NFATC1: variants seen among roughly 807,000 people sequenced by gnomAD.
NFATC1 encodes the protein nuclear factor of activated T cells 1, also known as nuclear factor of activated T-cells, cytoplasmic 1.
In NFATC1, 22 loss-of-function variants were observed where a neutral mutation model predicts 76.0. The ratio of observed to expected loss-of-function variants is 0.29; its 90% confidence interval spans 0.21 to 0.41. The LOEUF is 0.41. NFATC1 is among the 10% of genes least tolerant of loss of function. The pLI, the probability that NFATC1 is intolerant of heterozygous loss-of-function variation, is 1.00. For missense variants in NFATC1, 1,357 were observed against 1,337.7 expected (o/e 1.01, Z -0.23); for synonymous variants, 704 against 613.1 (o/e 1.15, Z -2.19).
chr18:79,505,622 T>C, intron 9 of NFATC1, among the ~76,000 whole-genome samples: 1 of 140,132 alleles, frequency 7.1e-6, no homozygotes, highest in South Asian at 2.4e-4. Flanking sequence ...GGCAGGAGAC[T>C]GCTGCGTGGG....
intron 2 of NFATC1, among the ~76,000 whole-genome samples, chr18:79,417,135 GCGGGAGA>G (rs1271613646): frequency 1.1e-5 from 1 of 89,854 alleles, no homozygotes; most frequent in Admixed American, 1.1e-4. Flanking sequence ...ATGGGCTGTG[GCGGGAGA>G]TGGGCTGTGG....
At chr18:79,420,048 C>G (rs1396981189) in intron 2 of NFATC1, among the ~76,000 whole-genome samples, 1 of 152,222 alleles carries the variant, frequency 6.6e-6, no homozygotes, top group African/African-American at 2.4e-5. Context: ...GTTGTAAAGG[C>G]CACACCGGAC....
chr18:79,486,425 T>G lies in NFATC1; in HGVS notation c.2270T>G (p.Leu757Arg). The G allele has an allele frequency of 3.7e-6, 6 of 1,612,428 alleles. No homozygotes were observed. In the South Asian group the frequency reaches 6.6e-5, roughly 18 times the overall value. The change falls in exon 9 of 10, where the codon CTG becomes CGG. Residue 757 changes from leucine (L) to arginine (R), a missense_variant. By Grantham distance (102) the Leu-to-Arg change is moderately radical (BLOSUM62 -2). Coordinates refer to ENST00000427363, the MANE Select transcript of NFATC1 (RefSeq NM_001278669.2). ...CCGCCCTGTCCGCAGAGAAGCACCC[T>G]GATGCCAGCGGCCCCTGGCGTGAGC... ...GFPPCPQRST[L>R]MPAAPGVSPK...
intron 3 of NFATC1, among the ~76,000 whole-genome samples, chr18:79,447,546 G>A (rs369700247): frequency 2.1e-4 from 32 of 152,310 alleles, no homozygotes; most frequent in African/African-American, 6.7e-4. Context: ...GCGTTGCCAC[G>A]GGCCTTGCAT....
At chr18:79,486,107 TG>T in intron 8 of NFATC1, 140 bp from the exon 9 acceptor site, 1 of 715,654 alleles carries the variant, frequency 1.4e-6, no homozygotes, top group East Asian at 2.5e-5. Flanking sequence ...TTTTTTTTAA[TG>T]GGGTGGGAGA....
intron 9 of NFATC1, among the ~76,000 whole-genome samples, chr18:79,506,584 A>C (rs977438851): frequency 6.6e-6 from 1 of 152,190 alleles, no homozygotes; most frequent in Non-Finnish European, 1.5e-5. Context: ...TGAAGCCATC[A>C]CGTCCAACAC....
chr18:79,502,218 T>G (rs910363097), intron 9 of NFATC1, among the ~76,000 whole-genome samples: 1 of 152,228 alleles, frequency 6.6e-6, no homozygotes, highest in Non-Finnish European at 1.5e-5. Flanking sequence ...GTAAATTGAT[T>G]TTTTGACAAA....
At chr18:79,404,992 A>G (rs1317923731) in intron 1 of NFATC1, among the ~76,000 whole-genome samples, 1 of 152,236 alleles carries the variant, frequency 6.6e-6, no homozygotes, top group Non-Finnish European at 1.5e-5. Flanking sequence ...ATTATTTCTC[A>G]GAGTGAGAGA....
intron 9 of NFATC1, among the ~76,000 whole-genome samples, chr18:79,511,680 A>G (rs2090257668): frequency 6.6e-6 from 1 of 151,864 alleles, no homozygotes; most frequent in Admixed American, 6.6e-5. Context: ...CAGGGCCTGG[A>G]TTTCCCTCCC....
intron 2 of NFATC1, among the ~76,000 whole-genome samples, chr18:79,424,809 G>GTC (rs58256640): frequency 4.9e-5 from 6 of 121,826 alleles, no homozygotes; most frequent in African/African-American, 1.4e-4. Flanking sequence ...GTGTCTGTCT[G>GTC]TCTCTGTCTC....
intron 9 of NFATC1, among the ~76,000 whole-genome samples, chr18:79,488,298 T>TTGTGTGTGTGTG (rs3222211): frequency 4.3e-4 from 60 of 141,100 alleles, no homozygotes; most frequent in Admixed American, 7.4e-4. Flanking sequence ...GCAGCCCTGG[T>TTGTGTGTGTGTG]TGTGTGTGTG....
intron 8 of NFATC1, among the ~76,000 whole-genome samples, chr18:79,475,931 G>C (rs2089048622): frequency 6.6e-6 from 1 of 152,262 alleles, no homozygotes. Context: ...TAGGGAACCA[G>C]CGTCAGGATC....
chr18:79,398,748 G>T (rs1307360966), intron 1 of NFATC1, among the ~76,000 whole-genome samples: 1 of 152,226 alleles, frequency 6.6e-6, no homozygotes, highest in Non-Finnish European at 1.5e-5. Context: ...TTTTATGGTG[G>T]GGGTAAAAAG....
At chr18:79,423,319 C>T (rs74422611) in intron 2 of NFATC1, among the ~76,000 whole-genome samples, 9,770 of 152,274 alleles carry the variant, frequency 0.064, 595 homozygotes, top group East Asian at 0.23. Context: ...GTTTGAGTTC[C>T]TGGGCTGGGC....
intron 9 of NFATC1, among the ~76,000 whole-genome samples, chr18:79,503,473 T>C (rs2090055620): frequency 2.0e-5 from 3 of 152,232 alleles, no homozygotes. Context: ...GCTCTTTTTA[T>C]GAGCAGTTAA....
At chr18:79,501,622 G>A (rs1046847385) in intron 9 of NFATC1, among the ~76,000 whole-genome samples, 17 of 25,162 alleles carry the variant, frequency 6.8e-4, no homozygotes, top group Admixed American at 5.0e-3. Flanking sequence ...CCCTCCCCCC[G>A]CCAAAAAGGT....
At chr18:79,508,081 A>G (rs984549074) in intron 9 of NFATC1, among the ~76,000 whole-genome samples, 2 of 152,286 alleles carry the variant, frequency 1.3e-5, no homozygotes, top group Admixed American at 1.3e-4. Flanking sequence ...ACATTGTAAT[A>G]AAAATCAGAA....
intron 3 of NFATC1, among the ~76,000 whole-genome samples, chr18:79,447,763 A>G (rs984992926): frequency 6.6e-6 from 1 of 152,252 alleles, no homozygotes. Context: ...CCTCTTGCAT[A>G]TGGAATCAGA....
At chr18:79,512,835 C>T (rs1372336153) in intron 9 of NFATC1, among the ~76,000 whole-genome samples, 4 of 152,198 alleles carry the variant, frequency 2.6e-5, no homozygotes, top group South Asian at 4.1e-4. Context: ...CCACGTGCTG[C>T]GGGGAGGCGC....
Sources: allele counts gnomAD v4.1 joint callset (sites outside exome capture counted in the v4.1 genomes callset), GRCh38; gene constraint gnomAD v4.1.1; transcripts MANE v1.5; gene names NCBI Gene and HGNC (gene_info 2026-07-23, HGNC 2026-07-21).